Variants in ZFHX3 observed in about 807,000 individuals in gnomAD.
The protein encoded by ZFHX3 is zinc finger homeobox protein 3.
ZFHX3 carries 42 observed loss-of-function variants against 279.1 expected under a neutral mutation model. The ratio of observed to expected loss-of-function variants is 0.15; its 90% CI spans 0.12 to 0.19. The LOEUF is 0.19. Among genes scored for constraint, ZFHX3 ranks in the 10% least tolerant of loss-of-function variants. ZFHX3 has a pLI of 1.00. For synonymous variants in ZFHX3, 2,293 were observed against 1,957.8 expected (o/e 1.17, Z -4.52); for missense variants, 4,981 against 4,754.0 (o/e 1.05, Z -1.40).
chr16:73,705,258 C>A (rs1214013829), intron 1 of ZFHX3, among the ~76,000 whole-genome samples: 1 of 152,116 alleles, frequency 6.6e-6, no homozygotes, highest in Admixed American at 6.5e-5. Context: ...GCAATCAGAG[C>A]ATGCAAGCCA....
At chr16:72,870,029 G>A (rs772999865) in intron 4 of ZFHX3, among the ~76,000 whole-genome samples, 2 of 152,058 alleles carry the variant, frequency 1.3e-5, no homozygotes, top group African/African-American at 2.4e-5. Flanking sequence ...CCAGTTGAAG[G>A]ATACTTGACA....
At chr16:73,141,568 C>G (rs1037439373) in intron 6 of ZFHX3, among the ~76,000 whole-genome samples, 1 of 151,720 alleles carries the variant, frequency 6.6e-6, no homozygotes, top group Non-Finnish European at 1.5e-5. Context: ...GGGCTAATTT[C>G]TAAATTTTTT....
chr16:73,240,021 T>TG (rs2013071635), intron 5 of ZFHX3, among the ~76,000 whole-genome samples: 4 of 146,950 alleles, frequency 2.7e-5, no homozygotes, highest in Admixed American at 1.4e-4. Flanking sequence ...GAACCTTATT[T>TG]TGTGTGTGTG....
intron 1 of ZFHX3, among the ~76,000 whole-genome samples, chr16:73,811,638 G>A (rs12325637): frequency 0.05 from 7,638 of 151,794 alleles, 398 homozygotes; most frequent in African/African-American, 0.14. Context: ...ATAGAGATGG[G>A]GTTTCACCAT....
intron 1 of ZFHX3, among the ~76,000 whole-genome samples, chr16:73,682,458 G>A (rs1291022853): frequency 6.6e-6 from 1 of 152,056 alleles, no homozygotes; most frequent in African/African-American, 2.4e-5. Context: ...TCACCATCTA[G>A]ACAAACCATA....
intron 1 of ZFHX3, among the ~76,000 whole-genome samples, chr16:73,717,509 G>C (rs2053427474): frequency 6.6e-6 from 1 of 152,102 alleles, no homozygotes; most frequent in Admixed American, 6.5e-5. Flanking sequence ...ATGAGAACAA[G>C]CCTCTTAGAA....
At chr16:72,929,483 T>C (rs962681409) in intron 3 of ZFHX3, among the ~76,000 whole-genome samples, 1 of 152,190 alleles carries the variant, frequency 6.6e-6, no homozygotes, top group African/African-American at 2.4e-5. Context: ...TTTAATCTTT[T>C]CATCATTACA....
chr16:73,238,929 G>A (rs892903857), intron 5 of ZFHX3, among the ~76,000 whole-genome samples: 7 of 151,906 alleles, frequency 4.6e-5, no homozygotes, highest in African/African-American at 9.7e-5. Flanking sequence ...TCCCCCGACC[G>A]AAACCTCCCA....
chr16:73,685,825 T>C (rs1433075186), intron 1 of ZFHX3, among the ~76,000 whole-genome samples: 2 of 152,198 alleles, frequency 1.3e-5, no homozygotes, highest in Non-Finnish European at 2.9e-5. Context: ...GCAAATGCTC[T>C]TTTATGAGCA....
At chr16:72,830,152 T>C (rs1389382575) in intron 4 of ZFHX3, among the ~76,000 whole-genome samples, 2 of 152,258 alleles carry the variant, frequency 1.3e-5, no homozygotes, top group African/African-American at 4.8e-5. Context: ...TAGTTCTAAC[T>C]GAAAAACCAA....
chr16:72,798,467 C>A lies in ZFHX3; in HGVS notation c.4215G>T (p.Gln1405His), dbSNP rs762950193. 4.3e-6 allele frequency: 7 copies of A among 1,614,108 alleles called. No individual in the cohort carries two copies. The highest frequency in any genetic ancestry group is 5.9e-6 in the Non-Finnish European group (7 of 1,180,042). The part of the protein sequence containing the change: ...DRHVYKYRCN[Q>H]CSLAFKTIEK... ...CAATGGTCTTGAAGGCCAGGCTACACTGATTACAGCGGTACTTGTACACAT... is the reference window on the plus strand; with the variant it reads ...CAATGGTCTTGAAGGCCAGGCTACAATGATTACAGCGGTACTTGTACACAT... The change falls in exon 9 of 10, where the codon CAG (glutamine) becomes CAT (histidine). Residue 1405 changes from glutamine (Q) to histidine (H), a missense_variant. Gln to His is a conservative substitution (Grantham distance 24). Coordinates refer to ENST00000268489, the MANE Select transcript of ZFHX3 (RefSeq NM_006885.4).
chr16:73,230,168 T>C (rs1310999436), intron 5 of ZFHX3, among the ~76,000 whole-genome samples: 1 of 152,172 alleles, frequency 6.6e-6, no homozygotes, highest in Non-Finnish European at 1.5e-5. Flanking sequence ...AAATAGTTGA[T>C]ATATAAATGA....
chr16:73,350,444 T>C (rs1048055955), intron 3 of ZFHX3, among the ~76,000 whole-genome samples: 1 of 152,204 alleles, frequency 6.6e-6, no homozygotes, highest in African/African-American at 2.4e-5. Flanking sequence ...TTATGTGTCA[T>C]TAAAAGACCC....
intron 2 of ZFHX3, among the ~76,000 whole-genome samples, chr16:73,522,445 G>T (rs1461043664): frequency 1.3e-5 from 2 of 152,162 alleles, no homozygotes. Flanking sequence ...TAGGCATTTT[G>T]TGTATCCCAT....
chr16:73,509,159 A>T (rs924711916), intron 2 of ZFHX3, among the ~76,000 whole-genome samples: 3 of 152,168 alleles, frequency 2.0e-5, no homozygotes, highest in Non-Finnish European at 4.4e-5. Flanking sequence ...CACAACGGTG[A>T]CTACTGGAAT....
At chr16:73,551,455 T>A (rs2020203508) in intron 2 of ZFHX3, among the ~76,000 whole-genome samples, 1 of 152,212 alleles carries the variant, frequency 6.6e-6, no homozygotes, top group South Asian at 2.1e-4. Flanking sequence ...CTATTAACTG[T>A]CCTTCTGATA....
chr16:72,861,671 C>T (rs528077952), intron 4 of ZFHX3, among the ~76,000 whole-genome samples: 1 of 152,250 alleles, frequency 6.6e-6, no homozygotes, highest in East Asian at 1.9e-4. Context: ...GATGCCAGAA[C>T]CAGAAAGCCT....
intron 2 of ZFHX3, among the ~76,000 whole-genome samples, chr16:73,585,766 A>G (rs2051919721): frequency 1.3e-5 from 2 of 152,220 alleles, no homozygotes; most frequent in African/African-American, 4.8e-5. Context: ...TGGCAGGAGC[A>G]GTTGGTAGGT....
At chr16:73,693,662 G>A (rs558607100) in intron 1 of ZFHX3, among the ~76,000 whole-genome samples, 3 of 152,228 alleles carry the variant, frequency 2.0e-5, no homozygotes, top group African/African-American at 4.8e-5. Context: ...GCACAAACTC[G>A]GGTTCTTAGA....
Sources: gnomAD v4.1 joint callset for allele counts (sites outside exome capture counted in the v4.1 genomes callset) on GRCh38, gnomAD v4.1.1 for gene constraint, MANE v1.5 for transcripts, NCBI Gene and HGNC (gene_info 2026-07-23, HGNC 2026-07-21) for gene names.